The following CTDSP2 variants were observed in gnomAD, a reference collection of about 807,000 sequenced individuals.
The protein encoded by CTDSP2 is CTD small phosphatase 2.
Under a neutral mutation model 31.6 loss-of-function variants are expected in CTDSP2, and 9 were observed. The observed-to-expected ratio is 0.28, with a 90% confidence interval of 0.17 to 0.50. The LOEUF is 0.50. CTDSP2 is among the 20% of genes least tolerant of loss of function. The pLI is 0.98. For synonymous variants in CTDSP2, 134 were observed against 134.5 expected (o/e 1.00, Z 0.03); for missense variants, 267 against 348.5 (o/e 0.77, Z 1.86).
At chr12:57,845,082 C>T (rs1435897028) in intron 1 of CTDSP2, among the ~76,000 whole-genome samples, 1 of 152,164 alleles carries the variant, frequency 6.6e-6, no homozygotes, top group African/African-American at 2.4e-5. Flanking sequence ...GCGCACGAGG[C>T]CCCGAAGCTG....
intron 1 of CTDSP2, among the ~76,000 whole-genome samples, chr12:57,839,588 G>A (rs991587304): frequency 5.9e-5 from 9 of 152,190 alleles, no homozygotes; most frequent in African/African-American, 2.2e-4. Flanking sequence ...CGTGGTGGCG[G>A]GCGCCTGTAG....
At chr12:57,845,650 G>C (rs939968929) in intron 1 of CTDSP2, 2 of 152,374 alleles carry the variant, frequency 1.3e-5, no homozygotes, top group African/African-American at 4.8e-5. Flanking sequence ...GGCCCCGGGG[G>C]AGCGCACCGG....
Position 57,824,259 on chromosome 12 carries a change from C to G in CTDSP2, c.472G>C (p.Glu158Gln). The change falls in exon 6 of 8, where the codon GAA becomes CAA. Residue 158 changes from glutamate to glutamine, a missense_variant. This residue lies in a region of CTDSP2 where 156 missense variants were observed against 241.3 expected (regional missense o/e 0.65). Transcript: ENST00000398073. ...EFLRRMGELF[E>Q]CVLFTASLAK... ...AGGCTGGCAGTGAAGAGAACACATT[C>G]AAAGAGTTCCCCCATGCGTCTCAGG... is the stretch of plus-strand genomic sequence containing the variant. 1 of 1,614,094 alleles carries G rather than the reference C, an allele frequency of 6.2e-7. No homozygotes were observed. Among genetic ancestry groups the G allele is most frequent in the Non-Finnish European group, 8.5e-7 (1 of 1,179,996 alleles).
At chr12:57,831,131 G>C (rs1164540208) in intron 1 of CTDSP2, among the ~76,000 whole-genome samples, 1 of 148,980 alleles carries the variant, frequency 6.7e-6, no homozygotes, top group Admixed American at 6.7e-5. Flanking sequence ...AAAATTATGA[G>C]CATTACAGGA....
In CTDSP2 at chr12:57,827,043, A is replaced by G; in HGVS notation, c.307T>C (p.Cys103Arg). Residue 103 changes from cysteine to arginine, a missense_variant, in exon 4 of 8, where the codon TGT becomes CGT. Physicochemically the swap from Cys to Arg is radical, Grantham distance 180. Around this residue, in one of 2 missense-constraint regions of CTDSP2, gnomAD observed 156 missense variants for 241.3 expected, o/e 0.65. Transcript: ENST00000398073. Reference sequence around the variant, plus strand: ...GTTTCATCGAGGTCAATGACCACACAGATCCTTCCTTGATCTTCCTCTGTC... The same window carrying G: ...GTTTCATCGAGGTCAATGACCACACGGATCCTTCCTTGATCTTCCTCTGTC... ...EVTEEDQGRI[C>R]VVIDLDETLV... 6.2e-7 allele frequency: 1 copy of G among 1,613,980 alleles called. No individual in the cohort carries two copies. Among genetic ancestry groups the G allele is most frequent in the Non-Finnish European group, 8.5e-7 (1 of 1,180,020 alleles).
At chr12:57,841,006 T>C (rs920330526) in intron 1 of CTDSP2, among the ~76,000 whole-genome samples, 2 of 152,250 alleles carry the variant, frequency 1.3e-5, no homozygotes, top group Non-Finnish European at 2.9e-5. Flanking sequence ...ATTTGGTCTC[T>C]GGTCCAGAGA....
rs1453056800 is a variant in CTDSP2, at chr12:57,821,400, G to A, written c.*2202C>T. On this transcript the variant is annotated 3_prime_UTR_variant, in exon 8 of 8. Coordinates refer to ENST00000398073, the MANE Select transcript of CTDSP2 (RefSeq NM_005730.4). ...GCACTTGGACAAGTCTGTTAGGAAA[G>A]GGGGTGGCACATGCTCTTCCGCCAT... 1 of 152,690 alleles carries A rather than the reference G, an allele frequency of 6.5e-6. No homozygotes were observed. Among genetic ancestry groups the A allele is most frequent in the African/African-American group, 2.4e-5 (1 of 41,458 alleles). 9.5% of individuals were successfully genotyped at this position (152,690 alleles called of 1,614,324 possible).
chr12:57,834,550 G>A (rs1470040772), intron 1 of CTDSP2, among the ~76,000 whole-genome samples: 4 of 152,220 alleles, frequency 2.6e-5, no homozygotes, highest in African/African-American at 9.7e-5. Context: ...GAGGAAGGAG[G>A]GGTTGGAGCC....
At chr12:57,824,124 C>T (rs1956167564) in intron 6 of CTDSP2, 35 bp from the exon 7 acceptor site, 1 of 1,612,360 alleles carries the variant, frequency 6.2e-7, no homozygotes. Flanking sequence ...TTTGGATACA[C>T]TCCTGGTCCT....
intron 5 of CTDSP2, among the ~76,000 whole-genome samples, 182 bp downstream of exon 5, chr12:57,826,164 C>CT (rs936530582): frequency 2.6e-5 from 4 of 152,080 alleles, no homozygotes; most frequent in Non-Finnish European, 4.4e-5. Context: ...GGCTGAAACT[C>CT]TTTTTTTAAG....
chr12:57,830,241 CAG>C (rs1956206716), intron 1 of CTDSP2, among the ~76,000 whole-genome samples: 2 of 152,022 alleles, frequency 1.3e-5, no homozygotes, highest in African/African-American at 2.4e-5. Flanking sequence ...AAAAATTAGC[CAG>C]GTGAGGTGGC....
Position 57,846,578 on chromosome 12 carries a change from TCCTCC to T in CTDSP2, c.-148_-144del, listed in dbSNP as rs1956318906. 6.1e-6 allele frequency: 4 copies of T among 660,928 alleles called. No homozygotes were observed. The highest frequency in any genetic ancestry group is 9.3e-6 in the Non-Finnish European group (4 of 428,842). 40.9% of individuals were successfully genotyped at this position (660,928 alleles called of 1,614,324 possible). A position where few individuals can be genotyped will look rare whatever the true frequency, so the allele number is the denominator to read the frequency against. ...AGCTGTTCACATCCCCCCTCTCGTT[TCCTCC>T]CCGGACCGGGAAGGGAGGCGGCCTG... On this transcript the variant is annotated 5_prime_UTR_variant, in exon 1 of 8. Transcript: ENST00000398073.
At chr12:57,844,588 T>C (rs926267406) in intron 1 of CTDSP2, among the ~76,000 whole-genome samples, 4 of 151,688 alleles carry the variant, frequency 2.6e-5, no homozygotes, top group East Asian at 3.9e-4. Flanking sequence ...CCCCTCTGGC[T>C]AGCTCTTAGG....
chr12:57,839,579 G>A (rs574705987), intron 1 of CTDSP2, among the ~76,000 whole-genome samples: 40 of 152,194 alleles, frequency 2.6e-4, no homozygotes, highest in Admixed American at 1.7e-3. Flanking sequence ...TTAGCCGGGC[G>A]TGGTGGCGGG....
At chr12:57,846,315 G>A (rs1956315916) in intron 1 of CTDSP2, 57 bp downstream of exon 1, 1 of 1,508,634 alleles carries the variant, frequency 6.6e-7, no homozygotes, top group Admixed American at 1.9e-5. Flanking sequence ...TCGGGGCTGT[G>A]CTAGCCCCCT....
rs1452227615 is a variant in CTDSP2, at chr12:57,846,393, C to A, written c.43G>T (p.Ala15Ser). ...SIITQARRED[A>S]LVLTKQGLVS... Reference sequence around the variant, plus strand: ...CTACCTTGCTTGGTGAGCACCAGGGCGTCTTCCCTCCGCGCCTGGGTGATG... The same window carrying A: ...CTACCTTGCTTGGTGAGCACCAGGGAGTCTTCCCTCCGCGCCTGGGTGATG... Residue 15 changes from alanine to serine, a missense_variant, in exon 1 of 8, where the codon GCC (alanine) becomes TCC (serine). Ala to Ser is a moderately conservative substitution (Grantham distance 99). This residue lies in a region of CTDSP2 where 111 missense variants were observed against 107.1 expected (regional missense o/e 1.04). Coordinates refer to ENST00000398073, the MANE Select transcript of CTDSP2 (RefSeq NM_005730.4). 4.4e-6 allele frequency: 7 copies of A among 1,608,548 alleles called. No homozygotes were observed. The Middle Eastern group carries it at 4.9e-4, about 114-fold the overall frequency.
At chr12:57,841,089 T>C (rs1031598732) in intron 1 of CTDSP2, among the ~76,000 whole-genome samples, 3 of 152,344 alleles carry the variant, frequency 2.0e-5, no homozygotes, top group Admixed American at 6.5e-5. Flanking sequence ...TGCGTGTTAA[T>C]GTGCTCATCT....
chr12:57,826,534 G>A (rs1440752837), intron 4 of CTDSP2, 132 bp from the exon 5 acceptor site: 4 of 765,032 alleles, frequency 5.2e-6, no homozygotes, highest in African/African-American at 1.7e-5. Context: ...CTCATTAAGG[G>A]GTTCTCACCC....
At chr12:57,841,291 A>C (rs1052732445) in intron 1 of CTDSP2, among the ~76,000 whole-genome samples, 5 of 152,204 alleles carry the variant, frequency 3.3e-5, no homozygotes, top group African/African-American at 1.2e-4. Context: ...AAACCACAGG[A>C]GCAAACAAAT....
Sources: gnomAD v4.1 joint callset for allele counts (sites outside exome capture counted in the v4.1 genomes callset) on GRCh38, gnomAD v4.1.1 for gene constraint, gnomAD v4.1.1 regional missense constraint, MANE v1.5 for transcripts, NCBI Gene and HGNC (gene_info 2026-07-23, HGNC 2026-07-21) for gene names.